The following VPS8 variants were observed in gnomAD, a reference collection of about 807,000 sequenced individuals.
VPS8 encodes VPS8 subunit of CORVET complex, also known as vacuolar protein sorting-associated protein 8 homolog.
In VPS8, 129 loss-of-function variants were observed where a neutral mutation model predicts 216.4. The observed-to-expected ratio is 0.60, with a 90% CI of 0.52 to 0.69. The LOEUF (loss-of-function observed/expected upper bound fraction) is 0.69, where lower values mean the gene tolerates loss of function less well. Ranked by LOEUF, VPS8 falls within the 30% of genes least tolerant of loss-of-function variation. The pLI is 0.00. For missense variants in VPS8, 1,531 were observed against 1,683.5 expected, an observed-to-expected ratio of 0.91 and a Z score of 1.59; for synonymous variants, 571 against 565.4, an observed-to-expected ratio of 1.01 and a Z score of -0.14.
At position 184,894,779 on chromosome 3, in the gene VPS8, G is replaced by A. The variant is rs373763750; in HGVS notation, c.1858G>A (p.Glu620Lys). Residue 620 changes from glutamate to lysine, a missense_variant, in exon 23 of 48, where the codon GAG becomes AAG. Coordinates refer to ENST00000625842, the MANE Select transcript of VPS8 (RefSeq NM_001009921.3). ...VAKGVFLECL[E>K]PYILSDKLVG... Reference sequence around the variant, plus strand: ...CAAAGGAGTATTTTTGGAGTGCCTTGAGCCATATATTTTAAGTGATAAATT... The same window carrying A: ...CAAAGGAGTATTTTTGGAGTGCCTTAAGCCATATATTTTAAGTGATAAATT... The A allele has an allele frequency of 6.2e-7, 1 of 1,609,846 alleles. No homozygotes were observed. The highest frequency in any genetic ancestry group is 1.3e-5 in the African/African-American group (1 of 74,746).
chr3:184,848,284 G>A (rs1577876762), intron 8 of VPS8, among the ~76,000 whole-genome samples: 1 of 152,100 alleles, frequency 6.6e-6, no homozygotes, highest in African/African-American at 2.4e-5. Context: ...TCTGTAATTT[G>A]CACCGTTAAT....
chr3:184,920,921 T>C (rs1438128796), intron 29 of VPS8, among the ~76,000 whole-genome samples: 1 of 152,244 alleles, frequency 6.6e-6, no homozygotes, highest in Admixed American at 6.5e-5. Flanking sequence ...TTTATAATAG[T>C]TCTGTATGTT....
intron 1 of VPS8, among the ~76,000 whole-genome samples, chr3:184,822,063 TAGAG>T (rs150686131): frequency 0.079 from 12,034 of 151,856 alleles, 784 homozygotes; most frequent in African/African-American, 0.18. Context: ...GATATAGAAA[TAGAG>T]AGGTTCAGAA....
chr3:184,828,337 C>T (rs1444911300), intron 3 of VPS8, among the ~76,000 whole-genome samples: 2 of 152,112 alleles, frequency 1.3e-5, no homozygotes, highest in Non-Finnish European at 2.9e-5. Flanking sequence ...CGGGGTTTCA[C>T]CATGTTGGCC....
At chr3:185,015,383 C>G (rs1755643528) in intron 45 of VPS8, among the ~76,000 whole-genome samples, 1 of 152,210 alleles carries the variant, frequency 6.6e-6, no homozygotes, top group Non-Finnish European at 1.5e-5. Context: ...GAAATCGTAA[C>G]TGAGCATTTT....
At chr3:184,834,247 G>A (rs1415202593) in intron 4 of VPS8, among the ~76,000 whole-genome samples, 1 of 152,174 alleles carries the variant, frequency 6.6e-6, no homozygotes, top group Non-Finnish European at 1.5e-5. Flanking sequence ...ATTCCCTAAG[G>A]TGGGCATGGA....
At chr3:184,956,652 G>A (rs751172502) in intron 36 of VPS8, among the ~76,000 whole-genome samples, 1 of 152,112 alleles carries the variant, frequency 6.6e-6, no homozygotes, top group Non-Finnish European at 1.5e-5. Context: ...AGCTACTTTC[G>A]GCCATCAGTA....
chr3:185,050,586 C>T (rs1356352228), intron 47 of VPS8, among the ~76,000 whole-genome samples: 1 of 152,186 alleles, frequency 6.6e-6, no homozygotes, highest in Non-Finnish European at 1.5e-5. Flanking sequence ...CGGGTGAATC[C>T]CACACCGCCA....
intron 9 of VPS8, 197 bp downstream of exon 9, chr3:184,849,392 AT>A: frequency 3.9e-6 from 2 of 518,712 alleles, no homozygotes; most frequent in Non-Finnish European, 6.3e-6. Context: ...AGAGTCTGTA[AT>A]TTTTTATATC....
chr3:184,978,182 G>C (rs1231722195), intron 40 of VPS8, among the ~76,000 whole-genome samples: 1 of 151,936 alleles, frequency 6.6e-6, no homozygotes, highest in Non-Finnish European at 1.5e-5. Context: ...ATGTTTCCAG[G>C]AATTTATTCA....
intron 46 of VPS8, among the ~76,000 whole-genome samples, chr3:185,025,767 A>G (rs539540104): frequency 3.3e-5 from 5 of 152,146 alleles, no homozygotes; most frequent in East Asian, 1.9e-4. Context: ...TAGCTCTCCA[A>G]TGTTAGCTAT....
chr3:185,016,756 T>A (rs750079423), intron 45 of VPS8, among the ~76,000 whole-genome samples: 12 of 152,188 alleles, frequency 7.9e-5, no homozygotes, highest in Non-Finnish European at 1.5e-4. Context: ...TTACAAAAAC[T>A]GGAGAATTCC....
chr3:185,020,469 C>CT (rs577443262), intron 45 of VPS8, among the ~76,000 whole-genome samples: 8,118 of 130,710 alleles, frequency 0.062, 420 homozygotes, highest in African/African-American at 0.14. Context: ...AAAATTAAGG[C>CT]TTTTTTTTTT....
chr3:184,942,923 T>G (rs950080125), intron 36 of VPS8, among the ~76,000 whole-genome samples: 14 of 152,132 alleles, frequency 9.2e-5, no homozygotes, highest in African/African-American at 3.1e-4. Flanking sequence ...GAAGGTTGAG[T>G]GCCGAGGGAG....
At chr3:184,816,868 G>C (rs1463170848) in intron 1 of VPS8, among the ~76,000 whole-genome samples, 1 of 152,158 alleles carries the variant, frequency 6.6e-6, no homozygotes, top group Non-Finnish European at 1.5e-5. Flanking sequence ...GAAGCAAGAA[G>C]TTATTGAGTG....
intron 21 of VPS8, 60 bp downstream of exon 21, chr3:184,870,865 T>C: frequency 7.2e-7 from 1 of 1,393,180 alleles, no homozygotes; most frequent in Non-Finnish European, 9.9e-7. Flanking sequence ...ACTCCTCTTT[T>C]ATGTTACTTG....
At chr3:184,942,807 A>G (rs1231601914) in intron 36 of VPS8, among the ~76,000 whole-genome samples, 2 of 152,244 alleles carry the variant, frequency 1.3e-5, no homozygotes, top group Non-Finnish European at 1.5e-5. Context: ...TTTAAATGAT[A>G]GTATCTCAAG....
rs906910648 is a variant in VPS8, at chr3:184,940,281, T to C, written c.3035+38T>C. 23 of 808,082 alleles carry C rather than the reference T, an allele frequency of 2.8e-5. 2 individuals carry two copies. Among genetic ancestry groups the C allele is most frequent in the Non-Finnish European group, 3.9e-5 (23 of 594,668 alleles). The allele number at this position is 808,082 out of a possible 1,614,324, so 50.1% of individuals were successfully genotyped here. On this transcript the variant is annotated intron_variant, in intron 36 of 47. Transcript: ENST00000625842. The stretch of plus-strand genomic sequence containing the variant: ...ACTTTAGTCTTTCATTATATATATA[T>C]ATATATATGAGAAATAAAAGGAAAT...
intron 36 of VPS8, among the ~76,000 whole-genome samples, chr3:184,954,345 G>A (rs1232704379): frequency 6.6e-6 from 1 of 152,118 alleles, no homozygotes; most frequent in Non-Finnish European, 1.5e-5. Flanking sequence ...TTGGCCATTG[G>A]TGATCAAGTC....
Sources: allele counts gnomAD v4.1 joint callset (sites outside exome capture counted in the v4.1 genomes callset), GRCh38; gene constraint gnomAD v4.1.1; transcripts MANE v1.5; gene names NCBI Gene and HGNC (gene_info 2026-07-23, HGNC 2026-07-21).